The following TTC6 variants were observed in gnomAD, a reference collection of about 807,000 sequenced individuals.
The protein encoded by TTC6 is tetratricopeptide repeat protein 6.
TTC6 carries 172 observed loss-of-function variants against 210.4 expected under a neutral mutation model. The ratio of observed to expected loss-of-function variants is 0.82; its 90% CI spans 0.72 to 0.93. TTC6 has a LOEUF of 0.93. Ranked by LOEUF, TTC6 falls within the 40% of genes least tolerant of loss-of-function variation. The pLI, the probability that TTC6 is intolerant of heterozygous loss-of-function variation, is 0.00. For missense variants in TTC6, 2,414 were observed against 2,318.1 expected, an observed-to-expected ratio of 1.04 and a Z score of -0.85; for synonymous variants, 804 against 819.6, an observed-to-expected ratio of 0.98 and a Z score of 0.32.
At chr14:37,647,999 TATA>T (rs2095704652) in intron 1 of TTC6, among the ~76,000 whole-genome samples, 1 of 152,120 alleles carries the variant, frequency 6.6e-6, no homozygotes, top group South Asian at 2.1e-4. Context: ...GCGTTATAAC[TATA>T]ATATTACAAA....
chr14:37,725,312 G>GTGTGTGTATA (rs1318506400), intron 7 of TTC6, among the ~76,000 whole-genome samples: 5 of 33,914 alleles, frequency 1.5e-4, no homozygotes, highest in Non-Finnish European at 2.3e-4. Flanking sequence ...GTGTGTGTGT[G>GTGTGTGTATA]TATATATATA....
chr14:37,786,015 A>T (rs1422454780), intron 14 of TTC6, among the ~76,000 whole-genome samples: 1 of 152,146 alleles, frequency 6.6e-6, no homozygotes, highest in East Asian at 1.9e-4. Context: ...ACCCGGCTGT[A>T]TGAGGCGTCT....
chr14:37,622,743 C>G, exon 1 of TTC6: 1 of 1,535,042 alleles, frequency 6.5e-7, no homozygotes, highest in Non-Finnish European at 8.7e-7. Context: ...AGTGAGGATC[C>G]GCAGCAACTT....
intron 7 of TTC6, among the ~76,000 whole-genome samples, chr14:37,733,385 G>C (rs971410370): frequency 2.0e-5 from 3 of 151,898 alleles, no homozygotes; most frequent in African/African-American, 2.4e-5. Flanking sequence ...GTATCCTATA[G>C]AATTTGTTTT....
intron 7 of TTC6, among the ~76,000 whole-genome samples, chr14:37,728,187 T>A (rs1302020404): frequency 1.3e-5 from 2 of 152,240 alleles, no homozygotes; most frequent in Non-Finnish European, 2.9e-5. Flanking sequence ...TTTATTATAC[T>A]GTAATATTGT....
Position 37,598,432 on chromosome 14 carries a change from G to T in TTC6, c.-235+2424G>T, listed in dbSNP as rs2095608767. Among the ~76,000 whole-genome samples the T allele has an allele frequency of 6.6e-6, 1 of 152,216 alleles. No individual in the cohort carries two copies. Among genetic ancestry groups the T allele is most frequent in the Non-Finnish European group, 1.5e-5 (1 of 68,030 alleles). ...GCGGGTACTCCGGGTAGCCGCCAGCGGAGGAAGCGGCTCCGCCCTTCCCGG... is the reference window on the plus strand; with the variant it reads ...GCGGGTACTCCGGGTAGCCGCCAGCTGAGGAAGCGGCTCCGCCCTTCCCGG... On this transcript the variant is annotated intron_variant, in intron 1 of 2. Coordinates refer to the TTC6 transcript ENST00000556845. The surrounding 1 kb of genome is among the most constrained non-coding windows in gnomAD (Gnocchi z 4.9).
At chr14:37,781,567 T>A (rs999340141) in intron 14 of TTC6, among the ~76,000 whole-genome samples, 3 of 152,216 alleles carry the variant, frequency 2.0e-5, no homozygotes, top group African/African-American at 7.2e-5. Context: ...TTTCTCCCAT[T>A]CTGTAGGTTG....
At chr14:37,756,038 GT>G (rs1268984299) in intron 14 of TTC6, among the ~76,000 whole-genome samples, 3 of 152,068 alleles carry the variant, frequency 2.0e-5, no homozygotes, top group Non-Finnish European at 2.9e-5. Flanking sequence ...TTGAGCAGTG[GT>G]TTGTACTCCT....
chr14:37,658,725 A>G (rs1191847827), intron 1 of TTC6, among the ~76,000 whole-genome samples: 2 of 152,212 alleles, frequency 1.3e-5, no homozygotes, highest in East Asian at 3.8e-4. Flanking sequence ...TTTAAACAAG[A>G]AAGAAAAGAA....
intron 6 of TTC6, among the ~76,000 whole-genome samples, chr14:37,723,665 A>G (rs2095866090): frequency 6.6e-6 from 1 of 152,120 alleles, no homozygotes. Flanking sequence ...CAACTTTATT[A>G]CCTACTGTAT....
chr14:37,751,124 C>T lies in TTC6; in HGVS notation c.3028C>T (p.Gln1010Ter), dbSNP rs974381634. The T allele has an allele frequency of 7.2e-6, 11 of 1,532,360 alleles. No homozygotes were observed. In the Admixed American group the frequency reaches 2.0e-4, roughly 27 times the overall value. The allele number at this position is 1,532,360 out of a possible 1,614,324, so 94.9% of individuals were successfully genotyped here. Residue 1010 changes from glutamine (Q) to a stop codon, truncating the protein, a stop_gained, in exon 13 of 31, where the codon CAG becomes TAG. Transcript: ENST00000553443. LOFTEE classifies it high-confidence loss of function. ...AACTTTGGCAATTCTAAACTATACC[C>T]AGGCAATTAAATCCACGCCCACAGA... is the stretch of plus-strand genomic sequence containing the variant.
intron 14 of TTC6, among the ~76,000 whole-genome samples, chr14:37,762,376 T>C (rs892358030): frequency 3.3e-5 from 5 of 152,188 alleles, no homozygotes; most frequent in Non-Finnish European, 5.9e-5. Context: ...GTGACTCTAT[T>C]TTTAGTTTTT....
intron 10 of TTC6, among the ~76,000 whole-genome samples, chr14:37,748,667 A>C (rs1463118901): frequency 6.6e-6 from 1 of 152,124 alleles, no homozygotes; most frequent in Non-Finnish European, 1.5e-5. Flanking sequence ...TAGAGGGTGT[A>C]AATTAAACTC....
At chr14:37,692,998 G>A (rs1595113513) in intron 3 of TTC6, among the ~76,000 whole-genome samples, 1 of 152,104 alleles carries the variant, frequency 6.6e-6, no homozygotes, top group Admixed American at 6.6e-5. Context: ...CCTGAAAGAT[G>A]CCCACTCTCA....
intron 27 of TTC6, among the ~76,000 whole-genome samples, 196 bp downstream of exon 29, chr14:37,824,153 C>T (rs767196726): frequency 3.3e-4 from 50 of 152,058 alleles, no homozygotes; most frequent in Admixed American, 6.6e-4. Context: ...CTGGATCAGC[C>T]TGGGGAGCTG....
intron 1 of TTC6, among the ~76,000 whole-genome samples, chr14:37,658,776 A>T (rs546266041): frequency 7.2e-5 from 11 of 152,272 alleles, no homozygotes; most frequent in East Asian, 5.8e-4. Flanking sequence ...GCCTTTAAAA[A>T]TTTTTTTATT....
At chr14:37,701,688 A>G (rs1037102826) in intron 5 of TTC6, among the ~76,000 whole-genome samples, 162 bp downstream of exon 7, 1 of 152,158 alleles carries the variant, frequency 6.6e-6, no homozygotes, top group Non-Finnish European at 1.5e-5. Context: ...TATACAGTCT[A>G]GGTCTGTGTC....
chr14:37,615,702 G>A (rs1406262481), intron 2 of TTC6, among the ~76,000 whole-genome samples: 1 of 151,858 alleles, frequency 6.6e-6, no homozygotes, highest in African/African-American at 2.4e-5. Flanking sequence ...TTGCTTTAAT[G>A]TCCTTTTCTA....
intron 14 of TTC6, among the ~76,000 whole-genome samples, chr14:37,769,820 T>C (rs1468160937): frequency 6.6e-6 from 1 of 152,154 alleles, no homozygotes; most frequent in Non-Finnish European, 1.5e-5. Flanking sequence ...TGCTCTGATA[T>C]TAGTTATTTC....
Sources: allele counts gnomAD v4.1 joint callset (sites outside exome capture counted in the v4.1 genomes callset), GRCh38; gene constraint gnomAD v4.1.1; non-coding constraint Gnocchi (gnomAD v3.1); transcripts MANE v1.5; gene names NCBI Gene and HGNC (gene_info 2026-07-23, HGNC 2026-07-21).